The following EHBP1 variants were observed in gnomAD, a reference collection of about 807,000 sequenced individuals.
EHBP1 encodes EH domain binding protein 1, also known as EH domain-binding protein 1.
EHBP1 carries 55 observed loss-of-function variants against 144.0 expected under a neutral mutation model. The ratio of observed to expected loss-of-function variants is 0.38; its 90% confidence interval spans 0.31 to 0.48. EHBP1 has a LOEUF of 0.48. Ranked by LOEUF, EHBP1 falls within the 20% of genes least tolerant of loss-of-function variation. EHBP1 has a pLI of 0.98. For missense variants in EHBP1, 1,200 were observed against 1,364.2 expected (o/e 0.88, Z 1.90); for synonymous variants, 469 against 472.7 (o/e 0.99, Z 0.10).
intron 10 of EHBP1, among the ~76,000 whole-genome samples, chr2:62,903,085 A>G (rs761024750): frequency 3.9e-5 from 6 of 152,218 alleles, no homozygotes; most frequent in Non-Finnish European, 8.8e-5. Context: ...AGCAAAATGC[A>G]CAGAGAAGCA....
intron 2 of EHBP1, among the ~76,000 whole-genome samples, chr2:62,723,286 A>C (rs144808625): frequency 1.7e-4 from 26 of 152,118 alleles, no homozygotes; most frequent in African/African-American, 5.8e-4. Flanking sequence ...ATTTTGTCTG[A>C]AATTAGGATT....
intron 2 of EHBP1, among the ~76,000 whole-genome samples, chr2:62,721,857 G>A (rs1394756988): frequency 1.3e-5 from 2 of 152,092 alleles, no homozygotes; most frequent in Non-Finnish European, 2.9e-5. Context: ...TTCTGACAAG[G>A]AGGTACATTG....
At chr2:62,767,043 A>G (rs1347293905) in intron 4 of EHBP1, among the ~76,000 whole-genome samples, 1 of 151,176 alleles carries the variant, frequency 6.6e-6, no homozygotes, top group African/African-American at 2.4e-5. Context: ...TCTGGGGTTA[A>G]TGAGGGAGAG....
At chr2:62,859,132 A>G in intron 7 of EHBP1, 37 bp from the exon 8 acceptor site, 1 of 1,567,080 alleles carries the variant, frequency 6.4e-7, no homozygotes, top group Non-Finnish European at 8.7e-7. Context: ...CTTACACTTA[A>G]CCATAATAGG....
chr2:62,924,536 A>G (rs2055341690), intron 10 of EHBP1, among the ~76,000 whole-genome samples: 1 of 152,206 alleles, frequency 6.6e-6, no homozygotes, highest in Non-Finnish European at 1.5e-5. Flanking sequence ...CACAACAGAT[A>G]CCACAGAAAT....
At chr2:62,753,844 C>T (rs1322446551) in intron 3 of EHBP1, among the ~76,000 whole-genome samples, 1 of 152,204 alleles carries the variant, frequency 6.6e-6, no homozygotes, top group African/African-American at 2.4e-5. Flanking sequence ...TCAGCTCCAT[C>T]TGGTCATTTA....
chr2:62,982,426 G>T (rs550160511), intron 15 of EHBP1, among the ~76,000 whole-genome samples: 1 of 152,286 alleles, frequency 6.6e-6, no homozygotes, highest in South Asian at 2.1e-4. Context: ...CCTGTAGTTT[G>T]CTCACCCTTG....
chr2:62,785,860 C>A (rs2042765022), intron 5 of EHBP1, among the ~76,000 whole-genome samples: 1 of 152,066 alleles, frequency 6.6e-6, no homozygotes, highest in Non-Finnish European at 1.5e-5. Context: ...AACTCCTTGC[C>A]CAAATGAAAC....
intron 1 of EHBP1, among the ~76,000 whole-genome samples, chr2:62,676,551 C>T (rs2033302904): frequency 6.6e-6 from 1 of 152,186 alleles, no homozygotes; most frequent in African/African-American, 2.4e-5. Flanking sequence ...GTGTCTTTGA[C>T]ACACCAGCCA....
At chr2:62,986,619 A>C (rs549305398) in intron 15 of EHBP1, among the ~76,000 whole-genome samples, 12 of 151,436 alleles carry the variant, frequency 7.9e-5, no homozygotes, top group Non-Finnish European at 1.2e-4. Flanking sequence ...TTTTATTTTC[A>C]GTGGTGATGG....
At chr2:62,700,719 T>G (rs1237284442), upstream of EHBP1, among the ~76,000 whole-genome samples, 2 of 152,154 alleles carry the variant, frequency 1.3e-5, no homozygotes, top group African/African-American at 4.8e-5. Flanking sequence ...AAATTAAAAT[T>G]AAATAATATT....
intron 3 of EHBP1, among the ~76,000 whole-genome samples, chr2:62,756,768 C>CAAAAAAA: frequency 1.3e-5 from 1 of 76,658 alleles, no homozygotes; most frequent in Non-Finnish European, 2.6e-5. Context: ...AACTCTATCT[C>CAAAAAAA]AAAAAAAAAA....
chr2:62,871,496 G>A (rs2050480469), intron 9 of EHBP1, among the ~76,000 whole-genome samples: 1 of 152,200 alleles, frequency 6.6e-6, no homozygotes, highest in South Asian at 2.1e-4. Flanking sequence ...ATAAGCTAAT[G>A]TGCAAGTCCA....
intron 21 of EHBP1, among the ~76,000 whole-genome samples, chr2:63,040,103 TAGTC>T (rs1009634113): frequency 4.6e-5 from 7 of 151,346 alleles, no homozygotes; most frequent in African/African-American, 1.5e-4. Flanking sequence ...AAGAGCAAAA[TAGTC>T]AGTTGAAAAG....
intron 3 of EHBP1, among the ~76,000 whole-genome samples, chr2:62,754,980 G>GCTGCACCCACTGTC (rs1393798774): frequency 6.6e-6 from 1 of 152,154 alleles, no homozygotes; most frequent in Non-Finnish European, 1.5e-5. Context: ...TGCTCGATGG[G>GCTGCACCCACTGTC]CTGCACCCAC....
intron 19 of EHBP1, among the ~76,000 whole-genome samples, chr2:63,031,544 C>T (rs920613404): frequency 6.6e-6 from 1 of 152,038 alleles, no homozygotes; most frequent in Non-Finnish European, 1.5e-5. Context: ...GATAGTCATG[C>T]GTTACCTGAA....
chr2:62,744,785 A>T (rs2039002917), intron 2 of EHBP1, among the ~76,000 whole-genome samples: 1 of 152,066 alleles, frequency 6.6e-6, no homozygotes, highest in Non-Finnish European at 1.5e-5. Context: ...AAGCATTAGA[A>T]TGAGGCAACA....
chr2:62,757,349 T>A (rs2040376323), intron 3 of EHBP1, among the ~76,000 whole-genome samples: 1 of 152,006 alleles, frequency 6.6e-6, no homozygotes, highest in South Asian at 2.1e-4. Context: ...CAGAATATAT[T>A]CTAGTTTTTA....
Position 63,035,199 on chromosome 2 carries a change from T to G in EHBP1, c.3104-2336T>G, listed in dbSNP as rs574569825. 9.2e-5 allele frequency among the ~76,000 whole-genome samples: 14 copies of G among 152,212 alleles called. No individual in the cohort carries two copies. The South Asian group carries it at 2.7e-3, about 29-fold the overall frequency. On this transcript the variant is annotated intron_variant, in intron 19 of 22. Transcript: ENST00000431489. ...TGATGTATTAGAAGAAATTTTAATT[T>G]TTTTAGTATGAGGTTACGTATAGAT...
Sources: gnomAD v4.1 joint callset for allele counts (sites outside exome capture counted in the v4.1 genomes callset) on GRCh38, gnomAD v4.1.1 for gene constraint, MANE v1.5 for transcripts, NCBI Gene and HGNC (gene_info 2026-07-23, HGNC 2026-07-21) for gene names.